MSH4: variants seen among roughly 807,000 people sequenced by gnomAD.
MSH4 encodes mutS protein homolog 4.
MSH4 carries 106 observed loss-of-function variants against 113.7 expected under a neutral mutation model. The observed-to-expected ratio is 0.93, with a 90% confidence interval of 0.80 to 1.10. The LOEUF (loss-of-function observed/expected upper bound fraction) is 1.10, where lower values mean the gene tolerates loss of function less well. Among genes scored for constraint, MSH4 ranks in the 50% least tolerant of loss-of-function variants. The pLI is 0.00. For synonymous variants in MSH4, 368 were observed against 380.2 expected, an observed-to-expected ratio of 0.97 and a Z score of 0.37; for missense variants, 1,061 against 1,093.7, an observed-to-expected ratio of 0.97 and a Z score of 0.42.
chr1:75,803,747 CAA>C lies in MSH4; in HGVS notation c.264_265del (p.Arg89SerfsTer24). The C allele has an allele frequency of 6.3e-7, 1 of 1,577,048 alleles. No individual in the cohort carries two copies. The highest frequency in any genetic ancestry group is 8.6e-7 in the Non-Finnish European group (1 of 1,166,934). ...RPAQGSYFGN[K>X]RAYAENTVAS... is the part of the protein sequence containing the mutation. ...CAAATTTAGGTTCATACTTTGGAAA[CAA>C]AAGAGCTTATGCAGAAAACACAGTT... On this transcript the variant is annotated frameshift_variant, in exon 2 of 20. Coordinates refer to ENST00000263187, the MANE Select transcript of MSH4 (RefSeq NM_002440.4). LOFTEE classifies it high-confidence loss of function.
chr1:75,862,893 A>T (rs867163004), intron 8 of MSH4, among the ~76,000 whole-genome samples: 1 of 152,298 alleles, frequency 6.6e-6, no homozygotes, highest in South Asian at 2.1e-4. Context: ...GTTTCTGACC[A>T]TAAGTGTTCA....
chr1:75,912,156 C>G (rs189473307), intron 19 of MSH4, among the ~76,000 whole-genome samples: 6 of 151,964 alleles, frequency 3.9e-5, no homozygotes, highest in Non-Finnish European at 8.8e-5. Flanking sequence ...CTCTTAGGCT[C>G]CAGCAGTTTC....
intron 7 of MSH4, among the ~76,000 whole-genome samples, chr1:75,840,490 A>C (rs1312974515): frequency 8.0e-6 from 1 of 125,286 alleles, no homozygotes; most frequent in Non-Finnish European, 1.6e-5. Context: ...GGACACAGGA[A>C]GGGGAACATC....
intron 8 of MSH4, among the ~76,000 whole-genome samples, chr1:75,861,693 A>T (rs1373657565): frequency 6.6e-6 from 1 of 152,182 alleles, no homozygotes; most frequent in Admixed American, 6.5e-5. Context: ...CCCTACTGGG[A>T]GGTGTCTCCA....
chr1:75,798,148 AAC>A (rs1215644989), intron 1 of MSH4, among the ~76,000 whole-genome samples: 2 of 152,266 alleles, frequency 1.3e-5, no homozygotes, highest in East Asian at 3.9e-4. Context: ...TATTTTTAGA[AAC>A]AGAGTCTCGC....
At position 75,810,740 on chromosome 1, in the gene MSH4, T is replaced by C. The variant is rs369156759; in HGVS notation, c.632T>C (p.Met211Thr). 2.5e-6 allele frequency: 4 copies of C among 1,582,444 alleles called. No homozygotes were observed. In the African/African-American group the frequency reaches 4.1e-5, roughly 16 times the overall value. ...ATTTTATCACCTTTGGAAATAATAATGTCAAATACTGCTTGTGCTGTGGGG... is the reference window on the plus strand; with the variant it reads ...ATTTTATCACCTTTGGAAATAATAACGTCAAATACTGCTTGTGCTGTGGGG... The part of the protein sequence containing the change: ...LKILSPLEII[M>T]SNTACAVGNS... Residue 211 changes from methionine (M) to threonine (T), a missense_variant, in exon 4 of 20, where the codon ATG becomes ACG. Physicochemically the swap from Met to Thr is moderately conservative, Grantham distance 81. Coordinates refer to ENST00000263187, the MANE Select transcript of MSH4 (RefSeq NM_002440.4).
chr1:75,822,616 T>G, intron 7 of MSH4, 35 bp downstream of exon 7: 2 of 1,137,792 alleles, frequency 1.8e-6, no homozygotes, highest in South Asian at 4.5e-5. Context: ...TAAATACAAA[T>G]TATTGAAAAA....
At position 75,883,617 on chromosome 1, in the gene MSH4, T is replaced by C. The variant is rs1651982494; in HGVS notation, c.1907-4T>C. ...TTAAAAACCATTCTATTTTTTTTCT[T>C]AAGTTCGACCAGAATTTACTGATAC... On this transcript the variant is annotated splice_polypyrimidine_tract_variant and splice_region_variant and intron_variant, in intron 14 of 19. Transcript: ENST00000263187. The C allele has an allele frequency of 2.5e-6, 4 of 1,604,534 alleles. No individual in the cohort carries two copies. The South Asian group carries it at 4.5e-5, about 18-fold the overall frequency.
chr1:75,803,091 T>G (rs1557487934), intron 1 of MSH4, among the ~76,000 whole-genome samples: 1 of 152,146 alleles, frequency 6.6e-6, no homozygotes, highest in Non-Finnish European at 1.5e-5. Flanking sequence ...CACACTTCAC[T>G]GGGGATTAAA....
At chr1:75,812,330 A>G (rs1027056499) in intron 4 of MSH4, among the ~76,000 whole-genome samples, 1 of 152,154 alleles carries the variant, frequency 6.6e-6, no homozygotes, top group Non-Finnish European at 1.5e-5. Context: ...GGGCATTTTA[A>G]TGGGAGACTA....
chr1:75,827,518 C>T (rs1344388904), intron 7 of MSH4, among the ~76,000 whole-genome samples: 2 of 151,974 alleles, frequency 1.3e-5, no homozygotes, highest in African/African-American at 4.8e-5. Context: ...GGGCTAAATG[C>T]CCCAATTAAA....
intron 7 of MSH4, among the ~76,000 whole-genome samples, chr1:75,828,573 G>A (rs1042113924): frequency 6.6e-6 from 1 of 152,104 alleles, no homozygotes; most frequent in African/African-American, 2.4e-5. Flanking sequence ...ACCAAATACT[G>A]CATGTTCTTA....
At chr1:75,886,592 G>A (rs1301781285) in intron 15 of MSH4, among the ~76,000 whole-genome samples, 2 of 119,332 alleles carry the variant, frequency 1.7e-5, no homozygotes, top group Admixed American at 9.8e-5. Flanking sequence ...AATATATAAT[G>A]TATTATATAT....
At chr1:75,818,733 G>T (rs1338553932) in intron 6 of MSH4, among the ~76,000 whole-genome samples, 2 of 141,824 alleles carry the variant, frequency 1.4e-5, no homozygotes, top group African/African-American at 5.2e-5. Context: ...AACCACCCTG[G>T]TCCTTCTCTG....
intron 19 of MSH4, 83 bp from the exon 20 acceptor site, chr1:75,912,613 A>T: frequency 1.1e-6 from 1 of 879,922 alleles, no homozygotes. Context: ...ATGGAAGGAG[A>T]TAGAATATTG....
intron 19 of MSH4, among the ~76,000 whole-genome samples, chr1:75,907,716 A>ATATATATATATATATATG (rs1652698391): frequency 1.8e-5 from 2 of 112,168 alleles, no homozygotes; most frequent in Admixed American, 9.1e-5. Context: ...ATATATATAT[A>ATATATATATATATATATG]TATGTATAAA....
At chr1:75,841,171 C>G (rs1320237945) in intron 7 of MSH4, among the ~76,000 whole-genome samples, 1 of 141,680 alleles carries the variant, frequency 7.1e-6, no homozygotes, top group Non-Finnish European at 1.5e-5. Context: ...CTCCCTCCCT[C>G]CCTCCCTCCC....
chr1:75,859,272 C>G (rs1250974826), intron 8 of MSH4, among the ~76,000 whole-genome samples: 2 of 152,058 alleles, frequency 1.3e-5, no homozygotes, highest in Admixed American at 1.3e-4. Flanking sequence ...TTTAGTTCTG[C>G]TCTGATTTTA....
In MSH4 at chr1:75,881,378, G is replaced by T. The variant is rs5745467; in HGVS notation, c.1906+8G>T. 7,136 of 1,609,096 alleles carry T rather than the reference G, an allele frequency of 4.4e-3. 267 individuals carry two copies. In the African/African-American group the frequency reaches 0.075, roughly 17 times the overall value. On this transcript the variant is annotated splice_region_variant and intron_variant, in intron 14 of 19. Transcript: ENST00000263187. ...GCACTCTTTCTGACTATGGTAAGTTGCTTTCTTTGGAATAAACATATTGCA... is the reference window on the plus strand; with the variant it reads ...GCACTCTTTCTGACTATGGTAAGTTTCTTTCTTTGGAATAAACATATTGCA...
Sources: allele counts gnomAD v4.1 joint callset (sites outside exome capture counted in the v4.1 genomes callset), GRCh38; gene constraint gnomAD v4.1.1; transcripts MANE v1.5; gene names NCBI Gene and HGNC (gene_info 2026-07-23, HGNC 2026-07-21).